The following KLRG2 variants were observed in gnomAD, a reference collection of about 807,000 sequenced individuals.
KLRG2 encodes killer cell lectin-like receptor subfamily G member 2.
A neutral mutation model predicts 35.4 loss-of-function variants in KLRG2; 39 were observed. The observed-to-expected ratio is 1.10, with a 90% confidence interval of 0.85 to 1.44. KLRG2 has a LOEUF of 1.44. KLRG2 is among the 40% of genes most tolerant of loss of function. The pLI is 0.00. For synonymous variants in KLRG2, 283 were observed against 265.8 expected, an observed-to-expected ratio of 1.06 and a Z score of -0.63; for missense variants, 632 against 570.9, an observed-to-expected ratio of 1.11 and a Z score of -1.09.
At chr7:139,445,677 C>A in the KLRG2 span, among the ~76,000 whole-genome samples, 5 of 149,018 alleles carry the variant, frequency 3.4e-5, no homozygotes, top group South Asian at 2.1e-4. Flanking sequence ...GCAGATGGAT[C>A]GAGGGTTCTT....
chr7:139,453,329 G>A lies in KLRG2; in HGVS notation c.*258C>T, dbSNP rs1012985813. On this transcript the variant is annotated 3_prime_UTR_variant, in exon 5 of 5. Coordinates refer to ENST00000340940, the MANE Select transcript of KLRG2 (RefSeq NM_198508.4). ...AGAAATGCTAAACAACCATCCCAAT[G>A]TCATCAAACCGATCATCCACAGAAG... 4 of 526,544 alleles carry A rather than the reference G, an allele frequency of 7.6e-6. No individual in the cohort carries two copies. Among genetic ancestry groups the A allele is most frequent in the South Asian group, 3.0e-5 (1 of 33,796 alleles). 32.6% of individuals were successfully genotyped at this position (526,544 alleles called of 1,614,324 possible).
downstream of KLRG2, among the ~76,000 whole-genome samples, chr7:139,450,824 T>TTATA (rs1411860939): frequency 6.6e-6 from 1 of 152,144 alleles, no homozygotes; most frequent in East Asian, 1.9e-4. Context: ...AGCGACATAT[T>TTATA]TCTCTTCCCC....
At chr7:139,469,981 C>A (rs1248983809) in intron 3 of KLRG2, among the ~76,000 whole-genome samples, 3 of 151,894 alleles carry the variant, frequency 2.0e-5, no homozygotes, top group Non-Finnish European at 2.9e-5. Flanking sequence ...GGTGGACAAC[C>A]AAAGGAAAGA....
intron 4 of KLRG2, among the ~76,000 whole-genome samples, 159 bp downstream of exon 4, chr7:139,453,952 T>G (rs1413960714): frequency 6.6e-6 from 1 of 151,700 alleles, no homozygotes. Context: ...AAATAAAGAG[T>G]GAAGCGACAG....
At position 139,454,831 on chromosome 7, in the gene KLRG2, TAATAATAATAATAA is replaced by T. The variant is rs1347422927; in HGVS notation, c.1006-631_1006-618del. 1.8e-3 allele frequency among the ~76,000 whole-genome samples: 126 copies of T among 69,126 alleles called. 1 individual carries two copies. The East Asian group carries it at 0.02, about 11-fold the overall frequency. The allele number at this position is 69,126 out of a possible 152,430, so 45.3% of individuals were successfully genotyped here. ...AAATTCTATCTCAAAATAATAATAATAATAATAATAATAATAATAATAATAATAATAATAACACA... is the reference window on the plus strand; with the variant it reads ...AAATTCTATCTCAAAATAATAATAATTAATAATAATAATAATAATAACACA... On this transcript the variant is annotated intron_variant, in intron 3 of 4. Transcript: ENST00000340940.
intron 3 of KLRG2, among the ~76,000 whole-genome samples, chr7:139,461,383 T>C (rs1023809776): frequency 3.3e-5 from 5 of 152,236 alleles, no homozygotes; most frequent in African/African-American, 2.4e-5. Context: ...ACTGAGCTTT[T>C]CTTTGCCACA....
At position 139,483,422 on chromosome 7, in the gene KLRG2, C is replaced by A. The variant is rs1230496746; in HGVS notation, c.221G>T (p.Arg74Leu). Reference protein sequence around the residue: ...PSSKKKPPSPRPGSPRVPPLS... With the variant: ...PSSKKKPPSPLPGSPRVPPLS... The stretch of plus-strand genomic sequence containing the variant: ...CGGCGGCACGCGCGGGGACCCGGGG[C>A]GAGGCGAAGGCGGCTTTTTCTTGCT... Residue 74 changes from arginine (R) to leucine (L), a missense_variant, in exon 1 of 5, where the codon CGC becomes CTC. Coordinates refer to ENST00000340940, the MANE Select transcript of KLRG2 (RefSeq NM_198508.4). 6.4e-6 allele frequency: 10 copies of A among 1,556,270 alleles called. No individual in the cohort carries two copies. The highest frequency in any genetic ancestry group is 7.7e-6 in the Non-Finnish European group (9 of 1,162,912).
chr7:139,482,397 C>T (rs1189282497), intron 1 of KLRG2, among the ~76,000 whole-genome samples: 1 of 151,742 alleles, frequency 6.6e-6, no homozygotes. Context: ...AGTGGCTTTA[C>T]TCTTTTTTTT....
chr7:139,427,843 T>TA, the KLRG2 span, among the ~76,000 whole-genome samples: 1 of 152,326 alleles, frequency 6.6e-6, no homozygotes. Context: ...TTTTCCAACA[T>TA]AAATTAACTC....
chr7:139,482,872 A>T lies in KLRG2; in HGVS notation c.757+14T>A. The T allele has an allele frequency of 2.9e-6, 4 of 1,399,610 alleles. No homozygotes were observed. Among genetic ancestry groups the T allele is most frequent in the Non-Finnish European group, 3.7e-6 (4 of 1,082,994 alleles). The allele number at this position is 1,399,610 out of a possible 1,614,324, so 86.7% of individuals were successfully genotyped here. On this transcript the variant is annotated intron_variant, in intron 1 of 4. Transcript: ENST00000340940. Reference sequence around the variant, plus strand: ...ACCTGGCGGCGTCGGCTGCCGGCGCAGGTGAGCACTCACCCGTAAGCGTTA... The same window carrying T: ...ACCTGGCGGCGTCGGCTGCCGGCGCTGGTGAGCACTCACCCGTAAGCGTTA...
At chr7:139,455,375 G>T (rs1796455759) in intron 3 of KLRG2, among the ~76,000 whole-genome samples, 1 of 144,308 alleles carries the variant, frequency 6.9e-6, no homozygotes, top group South Asian at 2.2e-4. Flanking sequence ...AGGCTGGAGT[G>T]CAGTGGCGCG....
chr7:139,427,289 C>T, the KLRG2 span, among the ~76,000 whole-genome samples: 4 of 152,194 alleles, frequency 2.6e-5, no homozygotes, highest in African/African-American at 9.6e-5. Flanking sequence ...GGCATGTTCT[C>T]CAGGTAGCAG....
At chr7:139,464,808 C>T (rs758815153) in intron 3 of KLRG2, among the ~76,000 whole-genome samples, 12 of 152,228 alleles carry the variant, frequency 7.9e-5, no homozygotes, top group Non-Finnish European at 1.5e-5. Context: ...TTCAGAGGCC[C>T]TCAAAATCAC....
At chr7:139,452,410 T>C (rs1008265805), downstream of KLRG2, among the ~76,000 whole-genome samples, 2 of 152,214 alleles carry the variant, frequency 1.3e-5, no homozygotes, top group African/African-American at 4.8e-5. Flanking sequence ...GTAACAAACC[T>C]GCACGTTCTG....
Position 139,483,637 on chromosome 7 carries a change from C to G in KLRG2, c.6G>C (p.Glu2Asp). 6.6e-7 allele frequency: 1 copy of G among 1,518,522 alleles called. No homozygotes were observed. Among genetic ancestry groups the G allele is most frequent in the Non-Finnish European group, 8.8e-7 (1 of 1,142,340 alleles). 94.1% of individuals were successfully genotyped at this position (1,518,522 alleles called of 1,614,324 possible). M[E>D]ESWEAAPGGQ... is the part of the protein sequence containing the mutation. ...CTCCGGGCGCAGCCTCCCAAGACTC[C>G]TCCATCCCGCGCGCCCCGCCACCCG... The change falls in exon 1 of 5, where the codon GAG becomes GAC. Residue 2 changes from glutamate to aspartate, a missense_variant. Physicochemically the swap from Glu to Asp is conservative, Grantham distance 45. Coordinates refer to ENST00000340940, the MANE Select transcript of KLRG2 (RefSeq NM_198508.4).
intron 3 of KLRG2, among the ~76,000 whole-genome samples, chr7:139,471,794 C>T (rs549131075): frequency 6.6e-6 from 1 of 152,366 alleles, no homozygotes; most frequent in African/African-American, 2.4e-5. Flanking sequence ...GGCCCAGTGG[C>T]CAGTTCTTCA....
At position 139,453,268 on chromosome 7, in the gene KLRG2, T is replaced by C. The variant is rs1349668771; in HGVS notation, c.*319A>G. On this transcript the variant is annotated 3_prime_UTR_variant, in exon 5 of 5. Transcript: ENST00000340940. ...GGTTGTTAACCCTGTCTTTTTCCTC[T>C]AGGGGGAAATTGTCATTTTAATGAA... is the stretch of plus-strand genomic sequence containing the variant. The C allele has an allele frequency of 4.2e-6, 2 of 475,678 alleles. No homozygotes were observed. Among genetic ancestry groups the C allele is most frequent in the African/African-American group, 4.1e-5 (2 of 49,330 alleles). 29.5% of individuals were successfully genotyped at this position (475,678 alleles called of 1,614,324 possible). A position where few individuals can be genotyped will look rare whatever the true frequency, so the allele number is the denominator to read the frequency against.
Position 139,452,761 on chromosome 7 carries a change from C to T in KLRG2, c.*826G>A, listed in dbSNP as rs1796394523. ...TCACTGCACCCCAGCATGGAGACAT[C>T]TTCAGGTTGGTCGTCTCTGCAGCTG... is the stretch of plus-strand genomic sequence containing the variant. On this transcript the variant is annotated 3_prime_UTR_variant, in exon 5 of 5. Transcript: ENST00000340940. 6.6e-6 allele frequency: 1 copy of T among 152,318 alleles called. No homozygotes were observed. The highest frequency in any genetic ancestry group is 2.4e-5 in the African/African-American group (1 of 41,466). 9.4% of individuals were successfully genotyped at this position (152,318 alleles called of 1,614,324 possible). A position where few individuals can be genotyped will look rare whatever the true frequency, so the allele number is the denominator to read the frequency against.
chr7:139,439,291 A>G, the KLRG2 span, among the ~76,000 whole-genome samples: 1 of 152,208 alleles, frequency 6.6e-6, no homozygotes, highest in Admixed American at 6.5e-5. Context: ...CTCCGCTTCT[A>G]CGAACTCTAC....
Sources: gnomAD v4.1 joint callset for allele counts (sites outside exome capture counted in the v4.1 genomes callset) on GRCh38, gnomAD v4.1.1 for gene constraint, MANE v1.5 for transcripts, NCBI Gene and HGNC (gene_info 2026-07-23, HGNC 2026-07-21) for gene names.